The following FAM193B variants were observed in gnomAD, a reference collection of about 807,000 sequenced individuals.
FAM193B encodes family with sequence similarity 193 member B.
Under a neutral mutation model 70.7 loss-of-function variants are expected in FAM193B, and 27 were observed. The ratio of observed to expected loss-of-function variants is 0.38; its 90% CI spans 0.28 to 0.53. The LOEUF (loss-of-function observed/expected upper bound fraction) is 0.53, where lower values mean the gene tolerates loss of function less well. Ranked by LOEUF, FAM193B falls within the 20% of genes least tolerant of loss-of-function variation. FAM193B has a pLI of 0.81. For missense variants in FAM193B, 1,022 were observed against 1,072.5 expected, an observed-to-expected ratio of 0.95 and a Z score of 0.66; for synonymous variants, 448 against 436.0, an observed-to-expected ratio of 1.03 and a Z score of -0.34.
chr5:177,539,602 T>C (rs1254919975), intron 1 of FAM193B, among the ~76,000 whole-genome samples: 1 of 152,164 alleles, frequency 6.6e-6, no homozygotes, highest in Admixed American at 6.5e-5. Flanking sequence ...TTTAGGAGAA[T>C]GTGTGGGTTT....
chr5:177,539,031 C>G lies in FAM193B; in HGVS notation c.327G>C (p.Leu109=). 1 of 1,614,038 alleles carries G rather than the reference C, an allele frequency of 6.2e-7. No homozygotes were observed. ...CGAGCTTTGGCATGAAGTCAGGGGG[C>G]AGCTTCTCACCCTGCAACACCAGTC... The part of the protein sequence containing the change: ...QNGLVLQGEK[L]PPDFMPKLVK... The change falls in exon 2 of 9, where the codon CTG becomes CTC. Residue 109 remains leucine, a synonymous_variant. Transcript: ENST00000514747.
At chr5:177,541,951 G>C (rs1310402726) in intron 1 of FAM193B, among the ~76,000 whole-genome samples, 2 of 152,116 alleles carry the variant, frequency 1.3e-5, no homozygotes, top group Non-Finnish European at 2.9e-5. Context: ...GTATTGTTTA[G>C]GGAATAATGA....
chr5:177,527,089 A>G (rs1003895348), intron 5 of FAM193B, among the ~76,000 whole-genome samples: 1 of 152,030 alleles, frequency 6.6e-6, no homozygotes, highest in African/African-American at 2.4e-5. Context: ...ATCTGCACTG[A>G]GCACAGAATG....
intron 4 of FAM193B, among the ~76,000 whole-genome samples, chr5:177,535,923 T>A (rs1418771519): frequency 4.5e-3 from 1 of 220 alleles, no homozygotes; most frequent in African/African-American, 0.011. Flanking sequence ...CACATACTAT[T>A]TTTTTTTTTT....
At chr5:177,549,098 T>C (rs2127490805) in intron 1 of FAM193B, among the ~76,000 whole-genome samples, 1 of 152,028 alleles carries the variant, frequency 6.6e-6, no homozygotes, top group African/African-American at 2.4e-5. Context: ...TGACACCAAA[T>C]ATCTACAATA....
intron 4 of FAM193B, among the ~76,000 whole-genome samples, chr5:177,534,631 G>T (rs1340785005): frequency 2.0e-5 from 3 of 151,988 alleles, no homozygotes; most frequent in African/African-American, 7.3e-5. Flanking sequence ...TCTATTTTGA[G>T]ACTGGCTCTC....
intron 1 of FAM193B, among the ~76,000 whole-genome samples, chr5:177,540,536 T>C (rs976163595): frequency 6.6e-6 from 1 of 152,118 alleles, no homozygotes; most frequent in Non-Finnish European, 1.5e-5. Context: ...TGTGTATACA[T>C]TTCCACTTGT....
chr5:177,520,528 GGCTCAAAGGAGA>G (rs1371915239), intron 8 of FAM193B, among the ~76,000 whole-genome samples: 1 of 152,154 alleles, frequency 6.6e-6, no homozygotes, highest in Non-Finnish European at 1.5e-5. Flanking sequence ...AGGGTGAAGA[GGCTCAAAGGAGA>G]GCGCTTACTA....
At chr5:177,523,924 C>T in intron 7 of FAM193B, 33 bp downstream of exon 7, 5 of 1,610,718 alleles carry the variant, frequency 3.1e-6, no homozygotes, top group Non-Finnish European at 3.4e-6. Context: ...CTGGAGTCCT[C>T]CACAAGTGGG....
At position 177,532,404 on chromosome 5, in the gene FAM193B, T is replaced by C. The variant is rs138349767; in HGVS notation, c.1275+39A>G. On this transcript the variant is annotated intron_variant, in intron 5 of 8. Transcript: ENST00000514747. The surrounding 1 kb of genome is among the most constrained non-coding windows in gnomAD (Gnocchi z 4.9). ...GGGTGCTCCTTTTGCTCACCTTGGCTGGCCCCCAGCCCTCTCTAGCCTGGG... is the reference window on the plus strand; with the variant it reads ...GGGTGCTCCTTTTGCTCACCTTGGCCGGCCCCCAGCCCTCTCTAGCCTGGG... 44 of 1,581,460 alleles carry C rather than the reference T, an allele frequency of 2.8e-5. No homozygotes were observed. The highest frequency in any genetic ancestry group is 3.3e-4 in the Middle Eastern group (2 of 5,990).
At chr5:177,523,292 G>A (rs1362769724) in intron 7 of FAM193B, 3 of 318,866 alleles carry the variant, frequency 9.4e-6, no homozygotes, top group Non-Finnish European at 2.0e-5. Context: ...GAGCCACCGC[G>A]CTTGGCCAAA....
intron 7 of FAM193B, 63 bp from the exon 8 acceptor site, chr5:177,522,134 TC>T (rs1264996088): frequency 7.6e-7 from 1 of 1,316,214 alleles, no homozygotes; most frequent in African/African-American, 1.4e-5. Context: ...CTCACTGGAC[TC>T]CTAAGGTACC....
In FAM193B at chr5:177,524,448, A is replaced by G; in HGVS notation, c.2033T>C (p.Leu678Pro). ...VAGPKQPGRV[L>P]ELPKVGSCAE... The stretch of plus-strand genomic sequence containing the variant: ...ACAGCTGCCTACTTTGGGAAGCTCT[A>G]GGACCCTGCCTGGCTGCTTGGGGCC... The change falls in exon 6 of 9, where the codon CTA becomes CCA. Residue 678 changes from leucine (L) to proline (P), a missense_variant. Coordinates refer to ENST00000514747, the MANE Select transcript of FAM193B (RefSeq NM_001190946.3). 6.2e-7 allele frequency: 1 copy of G among 1,610,024 alleles called. No individual in the cohort carries two copies. The highest frequency in any genetic ancestry group is 8.5e-7 in the Non-Finnish European group (1 of 1,178,298).
chr5:177,529,465 C>T (rs867192284), intron 5 of FAM193B, among the ~76,000 whole-genome samples: 1 of 152,082 alleles, frequency 6.6e-6, no homozygotes, highest in Admixed American at 6.5e-5. Flanking sequence ...TGTGTCTGTC[C>T]CTGCCTGCAG....
chr5:177,531,450 C>G, intron 5 of FAM193B: 1 of 1,363,954 alleles, frequency 7.3e-7, no homozygotes, highest in Non-Finnish European at 9.8e-7. Context: ...GCTCCTCTTT[C>G]CGCCTGGTCA....
intron 1 of FAM193B, among the ~76,000 whole-genome samples, chr5:177,546,543 A>T (rs1765447072): frequency 6.6e-6 from 1 of 152,256 alleles, no homozygotes; most frequent in African/African-American, 2.4e-5. Context: ...ACATGCTATG[A>T]GTCACTCTGA....
rs1256374895 is a variant in FAM193B at position 177,536,439 on chromosome 5, G to A, written c.995C>T (p.Pro332Leu). 5 of 1,594,368 alleles carry A rather than the reference G, an allele frequency of 3.1e-6. No individual in the cohort carries two copies. In the Admixed American group the frequency reaches 5.6e-5, roughly 18 times the overall value. Residue 332 changes from proline (P) to leucine (L), a missense_variant, in exon 4 of 9, where the codon CCC (proline) becomes CTC (leucine). By Grantham distance (98) the Pro-to-Leu change is moderately conservative (BLOSUM62 -3). Coordinates refer to ENST00000514747, the MANE Select transcript of FAM193B (RefSeq NM_001190946.3). The stretch of plus-strand genomic sequence containing the variant: ...GTGCCCACCACAGTGCCCGCTGCAG[G>A]GGTGGCTGCACCCCGAGAATGGTGG... The part of the protein sequence containing the change: ...MPPPFSGCSH[P>L]CSGHCGGHCS...
intron 7 of FAM193B, 130 bp from the exon 8 acceptor site, chr5:177,522,201 G>A: frequency 1.4e-6 from 1 of 716,682 alleles, no homozygotes; most frequent in African/African-American, 1.8e-5. Flanking sequence ...GCTCTCAGGT[G>A]CTAGGGTTTA....
intron 4 of FAM193B, among the ~76,000 whole-genome samples, chr5:177,535,813 C>A (rs569260603): frequency 6.6e-6 from 1 of 152,044 alleles, no homozygotes; most frequent in African/African-American, 2.4e-5. Context: ...TGAAAATATA[C>A]CACAGTGGTA....
Sources: allele counts gnomAD v4.1 joint callset (sites outside exome capture counted in the v4.1 genomes callset), GRCh38; gene constraint gnomAD v4.1.1; non-coding constraint Gnocchi (gnomAD v3.1); transcripts MANE v1.5; gene names NCBI Gene and HGNC (gene_info 2026-07-23, HGNC 2026-07-21).